The following CALCR variants were observed in gnomAD, a reference collection of about 807,000 sequenced individuals.
The protein encoded by CALCR is calcitonin receptor.
CALCR carries 47 observed loss-of-function variants against 59.5 expected under a neutral mutation model. That is an observed-to-expected ratio of 0.79 (90% confidence interval 0.63 to 1.01). The LOEUF (loss-of-function observed/expected upper bound fraction) is 1.01. CALCR is among the 50% of genes least tolerant of loss of function. The probability of loss-of-function intolerance (pLI) is 0.00; values close to 1 mark genes in which losing one functional copy is unlikely to be tolerated. For synonymous variants in CALCR, 213 were observed against 211.3 expected (o/e 1.01, Z -0.07); for missense variants, 566 against 597.1 (o/e 0.95, Z 0.54).
chr7:93,426,180 C>A lies in CALCR; in HGVS notation c.*176G>T. The A allele has an allele frequency of 1.8e-6, 1 of 563,296 alleles. No homozygotes were observed. Among genetic ancestry groups the A allele is most frequent in the Non-Finnish European group, 3.1e-6 (1 of 317,988 alleles). 34.9% of individuals were successfully genotyped at this position (563,296 alleles called of 1,614,324 possible). ...GGGAGACTCCATTCCTAGACTGTCT[C>A]CCAAAGCAACAGTACCAAGAATAAC... On this transcript the variant is annotated 3_prime_UTR_variant, in exon 14 of 14. Coordinates refer to ENST00000426151, the MANE Select transcript of CALCR (RefSeq NM_001742.4).
intron 2 of CALCR, among the ~76,000 whole-genome samples, chr7:93,548,112 C>A (rs930660133): frequency 6.6e-6 from 1 of 152,156 alleles, no homozygotes; most frequent in African/African-American, 2.4e-5. Flanking sequence ...ATTCTCTTTT[C>A]TAAGACTGAT....
chr7:93,436,993 G>T (rs1395015104), intron 11 of CALCR, among the ~76,000 whole-genome samples: 1 of 149,814 alleles, frequency 6.7e-6, no homozygotes, highest in Non-Finnish European at 1.5e-5. Context: ...CAACTATTAA[G>T]GTATAAATGA....
At chr7:93,568,819 A>T (rs1253805979) in intron 2 of CALCR, among the ~76,000 whole-genome samples, 1 of 152,036 alleles carries the variant, frequency 6.6e-6, no homozygotes, top group Non-Finnish European at 1.5e-5. Flanking sequence ...TTCTCTCTTG[A>T]GGCACTAATT....
At chr7:93,498,341 C>A (rs1001318130) in intron 2 of CALCR, among the ~76,000 whole-genome samples, 5 of 151,546 alleles carry the variant, frequency 3.3e-5, no homozygotes, top group African/African-American at 1.2e-4. Flanking sequence ...CATTAATAAA[C>A]AAGGAGATCT....
intron 4 of CALCR, 126 bp from the exon 5 acceptor site, chr7:93,477,794 C>A: frequency 1.7e-6 from 1 of 596,022 alleles, no homozygotes. Flanking sequence ...ACATTTCAAA[C>A]AAGCCAAGTC....
chr7:93,483,711 T>C (rs529578457), intron 3 of CALCR, among the ~76,000 whole-genome samples: 7 of 151,624 alleles, frequency 4.6e-5, no homozygotes, highest in South Asian at 2.1e-4. Flanking sequence ...TACCAAACAA[T>C]GTAAGAGACT....
chr7:93,557,552 T>C (rs910731159), intron 2 of CALCR, among the ~76,000 whole-genome samples: 1 of 150,770 alleles, frequency 6.6e-6, no homozygotes, highest in African/African-American at 2.4e-5. Context: ...TGCTGTTAGT[T>C]GACATATTAT....
intron 2 of CALCR, among the ~76,000 whole-genome samples, chr7:93,492,186 G>A (rs910942141): frequency 1.3e-5 from 2 of 151,510 alleles, no homozygotes; most frequent in Non-Finnish European, 3.0e-5. Flanking sequence ...ATAAGTGGGA[G>A]TTGAACAATG....
At chr7:93,555,894 A>C (rs75663393) in intron 2 of CALCR, among the ~76,000 whole-genome samples, 5,242 of 152,272 alleles carry the variant, frequency 0.034, 314 homozygotes, top group African/African-American at 0.12. Context: ...TTTTTATTTT[A>C]ATGAAAACAG....
intron 2 of CALCR, 116 bp downstream of exon 2, chr7:93,574,173 G>T (rs760864096): frequency 2.0e-5 from 3 of 152,216 alleles, no homozygotes; most frequent in Non-Finnish European, 4.4e-5. Context: ...CACAAGCACC[G>T]CAATCAAACC....
intron 2 of CALCR, among the ~76,000 whole-genome samples, chr7:93,548,720 C>T (rs1584623846): frequency 6.7e-6 from 1 of 149,022 alleles, no homozygotes; most frequent in South Asian, 2.1e-4. Flanking sequence ...TTAAGAGAAG[C>T]ATTTGGAAAA....
intron 7 of CALCR, chr7:93,462,259 G>A: frequency 3.9e-6 from 2 of 515,404 alleles, no homozygotes; most frequent in South Asian, 2.7e-5. Flanking sequence ...AACAGGTATA[G>A]GATGTAGAAT....
intron 2 of CALCR, among the ~76,000 whole-genome samples, chr7:93,542,993 A>T (rs1166023573): frequency 2.0e-5 from 3 of 152,110 alleles, no homozygotes; most frequent in African/African-American, 7.2e-5. Context: ...GAAGGAGTAC[A>T]TTCTAAAATA....
intron 2 of CALCR, among the ~76,000 whole-genome samples, chr7:93,497,912 C>A (rs1425819312): frequency 6.6e-6 from 1 of 151,514 alleles, no homozygotes; most frequent in African/African-American, 2.4e-5. Context: ...TAGGAATAAT[C>A]CAGCATGGAT....
rs191446698 is a variant in CALCR, at chr7:93,503,476, G to A, written c.-26-16469C>T. Among the ~76,000 whole-genome samples the A allele has an allele frequency of 4.6e-5, 7 of 152,040 alleles. No homozygotes were observed. In the East Asian group the frequency reaches 1.4e-3, roughly 29 times the overall value. ...AAATTGCACAAGTTTCCACAGCAAG[G>A]TGACAAAGATGGTACTAGAACCTCT... is the stretch of plus-strand genomic sequence containing the variant. On this transcript the variant is annotated intron_variant, in intron 2 of 13. Transcript: ENST00000426151.
chr7:93,523,947 T>C (rs1801819792), intron 2 of CALCR, among the ~76,000 whole-genome samples: 2 of 152,052 alleles, frequency 1.3e-5, no homozygotes, highest in African/African-American at 4.8e-5. Context: ...TGGATGCTCA[T>C]ACTTTCTAGA....
intron 2 of CALCR, among the ~76,000 whole-genome samples, chr7:93,549,793 T>C (rs1789398214): frequency 6.6e-6 from 1 of 152,172 alleles, no homozygotes; most frequent in Non-Finnish European, 1.5e-5. Flanking sequence ...GTAAACACCA[T>C]GAACAGTGTT....
At chr7:93,474,584 A>G (rs1327142713) in intron 5 of CALCR, among the ~76,000 whole-genome samples, 3 of 151,756 alleles carry the variant, frequency 2.0e-5, no homozygotes, top group Non-Finnish European at 4.4e-5. Context: ...AATAACATAG[A>G]AATAATGAAC....
intron 2 of CALCR, among the ~76,000 whole-genome samples, chr7:93,521,064 C>G (rs1584603509): frequency 6.6e-6 from 1 of 152,092 alleles, no homozygotes; most frequent in Non-Finnish European, 1.5e-5. Flanking sequence ...GTTTCACAGC[C>G]AGTGAAAGGT....
Sources: allele counts gnomAD v4.1 joint callset (sites outside exome capture counted in the v4.1 genomes callset), GRCh38; gene constraint gnomAD v4.1.1; transcripts MANE v1.5; gene names NCBI Gene and HGNC (gene_info 2026-07-23, HGNC 2026-07-21).